BDNF: variants seen among roughly 807,000 people sequenced by gnomAD.
BDNF encodes the protein neurotrophic factor BDNF precursor form.
A neutral mutation model predicts 19.5 loss-of-function variants in BDNF; 1 was observed. The observed-to-expected ratio is 0.05, with a 90% CI of 0.02 to 0.24. BDNF has a LOEUF of 0.24. Ranked by LOEUF, BDNF falls within the 10% of genes least tolerant of loss-of-function variation. The pLI, the probability that BDNF is intolerant of heterozygous loss-of-function variation, is 1.00. For synonymous variants in BDNF, 100 were observed against 121.6 expected, an observed-to-expected ratio of 0.82 and a Z score of 1.17; for missense variants, 195 against 317.6, an observed-to-expected ratio of 0.61 and a Z score of 2.93.
chr11:27,656,990 G>T lies in BDNF; in HGVS notation c.*831C>A. On this transcript the variant is annotated 3_prime_UTR_variant, in exon 2 of 2. Transcript: ENST00000356660. ...AAAGAATGTGTTCTGAGCAAACATA[G>T]GTCCTTCCGTCAAAAGCAGCTTACT... The T allele has an allele frequency of 1.0e-6, 1 of 985,366 alleles. No homozygotes were observed. The highest frequency in any genetic ancestry group is 1.2e-6 in the Non-Finnish European group (1 of 829,930). 61.0% of individuals were successfully genotyped at this position (985,366 alleles called of 1,614,324 possible).
At position 27,659,430 on chromosome 11, in the gene BDNF, A is replaced by T. The variant is rs894760241; in HGVS notation, c.-21-845T>A. 8 of 1,000,232 alleles carry T rather than the reference A, an allele frequency of 8.0e-6. No homozygotes were observed. In the African/African-American group the frequency reaches 1.2e-4, roughly 15 times the overall value. 62.0% of individuals were successfully genotyped at this position (1,000,232 alleles called of 1,614,324 possible). A position where few individuals can be genotyped will look rare whatever the true frequency, so the allele number is the denominator to read the frequency against. On this transcript the variant is annotated intron_variant, in intron 1 of 1. Transcript: ENST00000356660. ...TCTATGCCTGGGGCTAATGTCATGA[A>T]AACAATGTGTCTGGTAAGGAGAAAA...
intron 1 of BDNF, among the ~76,000 whole-genome samples, chr11:27,695,869 C>T (rs1392420146): frequency 6.6e-6 from 1 of 151,854 alleles, no homozygotes; most frequent in Non-Finnish European, 1.5e-5. Context: ...AGGATAAGTG[C>T]CCTAGAGCTT....
rs543917051 is a variant in BDNF at position 27,658,914 on chromosome 11, A to T, written c.-21-329T>A. ...AGCTTTGTAAGTTTAATTTTTAATG[A>T]TCTCTGCTCATGCTGTCACGAGAAA... On this transcript the variant is annotated intron_variant, in intron 1 of 1. Coordinates refer to ENST00000356660, the MANE Select transcript of BDNF (RefSeq NM_001709.5). This position sits in a 1 kb window ranked among gnomAD's most constrained non-coding sequence, Gnocchi z 5.7. 1.0e-5 allele frequency: 12 copies of T among 1,204,642 alleles called. No homozygotes were observed. The highest frequency in any genetic ancestry group is 1.3e-5 in the Non-Finnish European group (12 of 954,198). 74.6% of individuals were successfully genotyped at this position (1,204,642 alleles called of 1,614,324 possible). A position where few individuals can be genotyped will look rare whatever the true frequency, so the allele number is the denominator to read the frequency against.
At chr11:27,702,608 C>T (rs1859953998), upstream of BDNF, among the ~76,000 whole-genome samples, 1 of 152,174 alleles carries the variant, frequency 6.6e-6, no homozygotes, top group Non-Finnish European at 1.5e-5. Flanking sequence ...GTTTCCTTTC[C>T]TGGACCCTCT....
chr11:27,655,376 G>T lies in BDNF; in HGVS notation c.*2445C>A, dbSNP rs1220852987. The T allele has an allele frequency of 6.6e-6, 1 of 152,548 alleles. No homozygotes were observed. The highest frequency in any genetic ancestry group is 1.5e-5 in the Non-Finnish European group (1 of 68,044). The allele number at this position is 152,548 out of a possible 1,614,324, so 9.4% of individuals were successfully genotyped here. On this transcript the variant is annotated 3_prime_UTR_variant, in exon 2 of 2. Coordinates refer to ENST00000356660, the MANE Select transcript of BDNF (RefSeq NM_001709.5). ...AGAGCCACTGACCACACAATTGCTG[G>T]ATGTGTCTCCTATGAAACCACTTAA...
rs143442829 is a variant in BDNF at position 27,690,348 on chromosome 11, G to A, written c.-22+9816C>T. ...TGTCTTGCTTGGGAGTAAAAGAGAAGGCTAGGAACATGGCTGTAGGTTTGG... is the reference window on the plus strand; with the variant it reads ...TGTCTTGCTTGGGAGTAAAAGAGAAAGCTAGGAACATGGCTGTAGGTTTGG... On this transcript the variant is annotated intron_variant, in intron 1 of 1. Coordinates refer to ENST00000356660, the MANE Select transcript of BDNF (RefSeq NM_001709.5). 1.5e-3 allele frequency among the ~76,000 whole-genome samples: 232 copies of A among 152,166 alleles called. 6 individuals carry two copies. In the East Asian group the frequency reaches 0.034, roughly 22 times the overall value.
intron 1 of BDNF, among the ~76,000 whole-genome samples, chr11:27,692,117 T>G (rs2134024047): frequency 6.6e-6 from 1 of 152,294 alleles, no homozygotes; most frequent in East Asian, 1.9e-4. Context: ...GGATTTCTGA[T>G]ACTCAATTCA....
At chr11:27,717,971 T>A (rs1860579255) in intron 1 of BDNF, among the ~76,000 whole-genome samples, 1 of 151,906 alleles carries the variant, frequency 6.6e-6, no homozygotes, top group Non-Finnish European at 1.5e-5. Context: ...TGTTAAGCAT[T>A]TTTCCTCCCA....
At chr11:27,697,158 C>CAGAGAGAG (rs1198756508) in intron 1 of BDNF, among the ~76,000 whole-genome samples, 3,911 of 113,258 alleles carry the variant, frequency 0.035, 91 homozygotes, top group Non-Finnish European at 0.052. Context: ...CACACACACA[C>CAGAGAGAG]ACACACAGAG....
At chr11:27,669,565 G>C (rs1228081688) in intron 1 of BDNF, among the ~76,000 whole-genome samples, 1 of 152,088 alleles carries the variant, frequency 6.6e-6, no homozygotes, top group African/African-American at 2.4e-5. Context: ...AAAGTCTCAG[G>C]ATACAAAATC....
At position 27,673,262 on chromosome 11, in the gene BDNF, AAAG is replaced by A. The variant is rs1172542198; in HGVS notation, c.-21-14680_-21-14678del. 2.6e-5 allele frequency among the ~76,000 whole-genome samples: 4 copies of A among 152,120 alleles called. No individual in the cohort carries two copies. In the East Asian group the frequency reaches 5.8e-4, roughly 22 times the overall value. On this transcript the variant is annotated intron_variant, in intron 1 of 1. Transcript: ENST00000356660. ...CATGCTGTGTACAAAAAAAAAAAAAAAAGCAAGGGTGATGCAACTGCATTCATT... is the reference window on the plus strand; with the variant it reads ...CATGCTGTGTACAAAAAAAAAAAAAACAAGGGTGATGCAACTGCATTCATT...
chr11:27,680,350 A>G (rs567930999), intron 1 of BDNF, among the ~76,000 whole-genome samples: 4 of 152,334 alleles, frequency 2.6e-5, no homozygotes, highest in African/African-American at 9.6e-5. Context: ...TAAAGATCAT[A>G]TTTTGTAGAT....
intron 1 of BDNF, among the ~76,000 whole-genome samples, chr11:27,673,358 G>A (rs1175294571): frequency 6.6e-6 from 1 of 151,864 alleles, no homozygotes; most frequent in Non-Finnish European, 1.5e-5. Flanking sequence ...TTTAAGAAAA[G>A]ATGTTGGCAT....
At position 27,659,705 on chromosome 11, in the gene BDNF, T is replaced by C. The variant is rs548919931; in HGVS notation, c.-21-1120A>G. 24 of 991,850 alleles carry C rather than the reference T, an allele frequency of 2.4e-5. No individual in the cohort carries two copies. The African/African-American group carries it at 3.8e-4, about 16-fold the overall frequency. The allele number at this position is 991,850 out of a possible 1,614,324, so 61.4% of individuals were successfully genotyped here. ...ATCCTACTTTTAAAAAGCTGAGTGG[T>C]GTTTTACACATTTTGGAATAGGCAG... On this transcript the variant is annotated intron_variant, in intron 1 of 1. Transcript: ENST00000356660.
chr11:27,659,149 T>C (rs1226816946), intron 1 of BDNF: 2 of 997,714 alleles, frequency 2.0e-6, no homozygotes, highest in Non-Finnish European at 2.4e-6. Context: ...TTAAATTGAC[T>C]TTTTTTTTCC....
chr11:27,690,570 C>T (rs1858118616), intron 1 of BDNF, among the ~76,000 whole-genome samples: 2 of 152,136 alleles, frequency 1.3e-5, no homozygotes, highest in Admixed American at 6.5e-5. Flanking sequence ...GATCCTTGAA[C>T]ACCACATATA....
chr11:27,696,302 A>G (rs1463009522), intron 1 of BDNF: 1 of 152,222 alleles, frequency 6.6e-6, no homozygotes, highest in African/African-American at 2.4e-5. Flanking sequence ...TGCAAATAAC[A>G]TACGGATTTC....
At chr11:27,700,923 C>T (rs1266123663), upstream of BDNF, 2 of 1,337,218 alleles carry the variant, frequency 1.5e-6, no homozygotes, top group Non-Finnish European at 2.0e-6. Context: ...CATCCCAGCA[C>T]CCAAGTTCTC....
At chr11:27,686,960 A>G (rs1242893761) in intron 1 of BDNF, among the ~76,000 whole-genome samples, 1 of 152,008 alleles carries the variant, frequency 6.6e-6, no homozygotes, top group Non-Finnish European at 1.5e-5. Context: ...TTGTCTTGCT[A>G]GTTTGGGGAA....
Sources: allele counts gnomAD v4.1 joint callset (sites outside exome capture counted in the v4.1 genomes callset), GRCh38; gene constraint gnomAD v4.1.1; non-coding constraint Gnocchi (gnomAD v3.1); transcripts MANE v1.5; gene names NCBI Gene and HGNC (gene_info 2026-07-23, HGNC 2026-07-21).